The following MED16 variants were observed in gnomAD, a reference collection of about 807,000 sequenced individuals.
The protein encoded by MED16 is mediator complex subunit 16.
MED16 carries 81 observed loss-of-function variants against 84.4 expected under a neutral mutation model. That is an observed-to-expected ratio of 0.96 (90% CI 0.80 to 1.15). The LOEUF is 1.15. MED16 is among the 50% of genes most tolerant of loss of function. The pLI is 0.00. For missense variants in MED16, 1,585 were observed against 1,245.9 expected, an observed-to-expected ratio of 1.27 and a Z score of -4.10; for synonymous variants, 897 against 552.2, an observed-to-expected ratio of 1.62 and a Z score of -8.76.
At chr19:880,789 C>T (rs1476658844) in intron 7 of MED16, among the ~76,000 whole-genome samples, 1 of 152,016 alleles carries the variant, frequency 6.6e-6, no homozygotes, top group Non-Finnish European at 1.5e-5. Context: ...GGCGTGGCAG[C>T]ACGCGCCTGT....
At chr19:876,850 C>A in intron 9 of MED16, 124 bp downstream of exon 9, 1 of 907,814 alleles carries the variant, frequency 1.1e-6, no homozygotes, top group South Asian at 1.8e-5. Flanking sequence ...AGGGACAGCC[C>A]CACCTGGCAC....
chr19:893,004 G>A (rs2036674305), intron 1 of MED16, 82 bp downstream of exon 1: 1 of 152,444 alleles, frequency 6.6e-6, no homozygotes, highest in South Asian at 1.8e-4. Flanking sequence ...GCCCCGCCAC[G>A]GCTGCGCCGC....
chr19:881,400 C>T (rs2036420581), intron 7 of MED16, among the ~76,000 whole-genome samples, 159 bp downstream of exon 7: 1 of 152,212 alleles, frequency 6.6e-6, no homozygotes, highest in Non-Finnish European at 1.5e-5. Flanking sequence ...ATTGGGAACC[C>T]ATCAGAACCC....
chr19:869,103 G>A (rs575881716), intron 13 of MED16, among the ~76,000 whole-genome samples, 157 bp from the exon 14 acceptor site: 4 of 152,258 alleles, frequency 2.6e-5, no homozygotes, highest in East Asian at 1.9e-4. Context: ...TGGGAGGTGC[G>A]GGACCACCTG....
chr19:873,525 G>A lies in MED16; in HGVS notation c.1829C>T (p.Thr610Ile), dbSNP rs902095170. 54 of 1,612,232 alleles carry A rather than the reference G, an allele frequency of 3.3e-5. No individual in the cohort carries two copies. Among genetic ancestry groups the A allele is most frequent in the Non-Finnish European group, 4.5e-5 (53 of 1,179,740 alleles). Reference protein sequence around the residue: ...KTEEFVLDMNTLQALQQLLQW... With the variant: ...KTEEFVLDMNILQALQQLLQW... ...CAAGAGCTGCTGCAGCGCCTGCAGT[G>A]TGTTCATGTCCAGCACAAATTCCTC... is the stretch of plus-strand genomic sequence containing the variant. The change falls in exon 11 of 16, where the codon ACA (threonine) becomes ATA (isoleucine). Residue 610 changes from threonine (T) to isoleucine (I), a missense_variant. By Grantham distance (89) the Thr-to-Ile change is moderately conservative (BLOSUM62 -1). Transcript: ENST00000325464.
intron 1 of MED16, among the ~76,000 whole-genome samples, chr19:891,954 G>C (rs1427249680): frequency 8.2e-5 from 11 of 133,912 alleles, no homozygotes; most frequent in African/African-American, 3.2e-4. Context: ...TGGCCGAGCC[G>C]GGGGCTGAGT....
intron 13 of MED16, among the ~76,000 whole-genome samples, chr19:870,171 G>A (rs919503256): frequency 2.6e-5 from 4 of 152,232 alleles, no homozygotes; most frequent in Non-Finnish European, 2.9e-5. Flanking sequence ...TCCACAGAGG[G>A]ATCTACGGCG....
intron 1 of MED16, 35 bp from the exon 2 acceptor site, chr19:891,184 G>C: frequency 6.4e-7 from 1 of 1,569,476 alleles, no homozygotes. Flanking sequence ...CGTCTATGTT[G>C]GCTGAGCACC....
In MED16 at chr19:875,293, CTT is replaced by C. The variant is rs763168493; in HGVS notation, c.1720_1721del (p.Lys574GlufsTer19). The C allele has an allele frequency of 4.7e-5, 72 of 1,534,886 alleles. No homozygotes were observed. Among genetic ancestry groups the C allele is most frequent in the Non-Finnish European group, 5.2e-5 (60 of 1,144,034 alleles). On this transcript the variant is annotated frameshift_variant, in exon 10 of 16. Transcript: ENST00000325464. LOFTEE classifies it high-confidence loss of function. Reference protein sequence around the residue: ...LRPHFLNTPDKSPGDRLTEIC... With the variant: ...LRPHFLNTPDXSPGDRLTEIC... ...TCTCGGTCAGCCGGTCGCCGGGGCTCTTGTCAGGCGTGTTGAGAAAGTGGGGG... is the reference window on the plus strand; with the variant it reads ...TCTCGGTCAGCCGGTCGCCGGGGCTCGTCAGGCGTGTTGAGAAAGTGGGGG...
At chr19:884,337 G>A (rs969180214) in intron 6 of MED16, among the ~76,000 whole-genome samples, 4 of 152,124 alleles carry the variant, frequency 2.6e-5, no homozygotes, top group African/African-American at 4.8e-5. Flanking sequence ...TGGGGATGAC[G>A]GGCTTGGCTC....
In MED16 at chr19:881,595, T is replaced by C; in HGVS notation, c.1105A>G (p.Lys369Glu). 6.2e-7 allele frequency: 1 copy of C among 1,612,566 alleles called. No homozygotes were observed. The highest frequency in any genetic ancestry group is 2.2e-5 in the East Asian group (1 of 44,876). Residue 369 changes from lysine (K) to glutamate (E), a missense_variant, in exon 7 of 16, where the codon AAG (lysine) becomes GAG (glutamate). Transcript: ENST00000325464. ...LPISLTNTDL[K>E]VASDTQFYPG... ...TAGAACTGTGTGTCGCTGGCCACCT[T>C]GAGGTCGGTGTTGGTGAGCGAGATG...
At chr19:874,441 G>A (rs961581729) in intron 10 of MED16, among the ~76,000 whole-genome samples, 1 of 152,190 alleles carries the variant, frequency 6.6e-6, no homozygotes, top group Non-Finnish European at 1.5e-5. Flanking sequence ...AGCCTGCCAG[G>A]CACAGTGGCT....
At chr19:886,273 C>G in intron 4 of MED16, 72 bp from the exon 5 acceptor site, 2 of 1,331,202 alleles carry the variant, frequency 1.5e-6, no homozygotes, top group Non-Finnish European at 2.0e-6. Context: ...CCCAGAAACA[C>G]GCGCACAGAA....
intron 5 of MED16, 36 bp downstream of exon 5, chr19:885,734 G>C (rs1420437720): frequency 1.3e-6 from 2 of 1,590,524 alleles, no homozygotes; most frequent in Admixed American, 1.7e-5. Flanking sequence ...TTCATTCCAA[G>C]CCTGCCAGCC....
chr19:882,529 C>T (rs1291764849), intron 6 of MED16, among the ~76,000 whole-genome samples: 2 of 152,158 alleles, frequency 1.3e-5, no homozygotes, highest in South Asian at 2.1e-4. Context: ...AGCTCAAAAA[C>T]AAAAAACAAA....
Position 884,888 on chromosome 19 carries a change from C to A in MED16, c.985+15G>T. 2 of 1,592,738 alleles carry A rather than the reference C, an allele frequency of 1.3e-6. No homozygotes were observed. The highest frequency in any genetic ancestry group is 1.1e-5 in the South Asian group (1 of 89,120). Reference sequence around the variant, plus strand: ...AGGGCAGGCCCAGGGCCTCCGCAGCCGGCGGGAGACTCACCCACGGGGGAG... The same window carrying A: ...AGGGCAGGCCCAGGGCCTCCGCAGCAGGCGGGAGACTCACCCACGGGGGAG... On this transcript the variant is annotated intron_variant, in intron 6 of 15. Transcript: ENST00000325464.
At chr19:868,817 C>A in intron 14 of MED16, 46 bp downstream of exon 14, 1 of 1,530,558 alleles carries the variant, frequency 6.5e-7, no homozygotes, top group South Asian at 1.2e-5. Context: ...CTGAGCCATC[C>A]CCAGCGGCAC....
At chr19:892,033 CTGAG>C (rs1250039438) in intron 1 of MED16, among the ~76,000 whole-genome samples, 7 of 144,200 alleles carry the variant, frequency 4.9e-5, no homozygotes, top group Admixed American at 1.4e-4. Context: ...CGAGGCGGGG[CTGAG>C]TGTGTTGGGG....
intron 4 of MED16, among the ~76,000 whole-genome samples, chr19:886,633 G>A (rs1263721692): frequency 1.3e-5 from 2 of 152,248 alleles, no homozygotes. Flanking sequence ...GCCCTGGGCC[G>A]CACTGTGCAG....
Sources: gnomAD v4.1 joint callset for allele counts (sites outside exome capture counted in the v4.1 genomes callset) on GRCh38, gnomAD v4.1.1 for gene constraint, MANE v1.5 for transcripts, NCBI Gene and HGNC (gene_info 2026-07-23, HGNC 2026-07-21) for gene names.